ZBTB8B: variants seen among roughly 807,000 people sequenced by gnomAD.
The protein encoded by ZBTB8B is zinc finger and BTB domain-containing protein 8B.
In ZBTB8B, 17 loss-of-function variants were observed where a neutral mutation model predicts 30.3. The observed-to-expected ratio is 0.56, with a 90% CI of 0.38 to 0.84. The LOEUF (loss-of-function observed/expected upper bound fraction) is 0.84, where lower values mean the gene tolerates loss of function less well. Ranked by LOEUF, ZBTB8B falls within the 40% of genes least tolerant of loss-of-function variation. The pLI, the probability that ZBTB8B is intolerant of heterozygous loss-of-function variation, is 0.00. For missense variants in ZBTB8B, 515 were observed against 644.9 expected (o/e 0.80, Z 2.18); for synonymous variants, 248 against 255.6 (o/e 0.97, Z 0.28).
intron 3 of ZBTB8B, among the ~76,000 whole-genome samples, chr1:32,483,273 A>T (rs1435782921): frequency 6.7e-6 from 1 of 149,006 alleles, no homozygotes; most frequent in East Asian, 1.9e-4. Flanking sequence ...AAAAAAAAAA[A>T]AATTAGCCAG....
At chr1:32,473,819 C>T (rs572876558) in intron 2 of ZBTB8B, among the ~76,000 whole-genome samples, 1 of 151,662 alleles carries the variant, frequency 6.6e-6, no homozygotes, top group African/African-American at 2.4e-5. Context: ...TTGTGCCTGG[C>T]CTGTCTTGAA....
Position 32,471,065 on chromosome 1 carries a change from G to GGCGGCAGCA in ZBTB8B, c.447_455dup (p.Ala151_Ala153dup), listed in dbSNP as rs1379956550. 1 of 1,544,748 alleles carries GGCGGCAGCA rather than the reference G, an allele frequency of 6.5e-7. No homozygotes were observed. The highest frequency in any genetic ancestry group is 1.4e-5 in the African/African-American group (1 of 72,890). On this transcript the variant is annotated inframe_insertion, in exon 2 of 4. Coordinates refer to ENST00000609129, the MANE Select transcript of ZBTB8B (RefSeq NM_001145720.2). ...CGGCGGCAGCGGCGGCGGCTGCAGCGGCGGCAGCAGCGGCGGCTCATCAGG... is the reference window on the plus strand; with the variant it reads ...CGGCGGCAGCGGCGGCGGCTGCAGCGGCGGCAGCAGCGGCAGCAGCGGCGGCTCATCAGG...
rs1643565547 is a variant in ZBTB8B, at chr1:32,465,695, A to G, written c.-42+590A>G. On this transcript the variant is annotated intron_variant, in intron 1 of 3. Transcript: ENST00000609129. The surrounding 1 kb of genome is among the most constrained non-coding windows in gnomAD (Gnocchi z 4.1). The stretch of plus-strand genomic sequence containing the variant: ...AGGAGTGACTTCCCCAACCTGTCGC[A>G]TCGTGTCCTGGAGGGTTTGAGGAGG... Among the ~76,000 whole-genome samples the G allele has an allele frequency of 6.6e-6, 1 of 152,210 alleles. No individual in the cohort carries two copies. Among genetic ancestry groups the G allele is most frequent in the Non-Finnish European group, 1.5e-5 (1 of 68,038 alleles).
chr1:32,478,717 G>A (rs1643681987), intron 2 of ZBTB8B, among the ~76,000 whole-genome samples: 1 of 152,078 alleles, frequency 6.6e-6, no homozygotes, highest in African/African-American at 2.4e-5. Flanking sequence ...ACCAAAGAGA[G>A]TTTCCACCCT....
In ZBTB8B at chr1:32,483,244, C is replaced by CAAAAAAAAA. The variant is rs59559091; in HGVS notation, c.1171-1834_1171-1826dup. 6.6e-3 allele frequency among the ~76,000 whole-genome samples: 371 copies of CAAAAAAAAA among 56,322 alleles called. 31 individuals are homozygous for CAAAAAAAAA. The highest frequency in any genetic ancestry group is 0.013 in the Middle Eastern group (1 of 78). The allele number at this position is 56,322 out of a possible 152,430, so 36.9% of individuals were successfully genotyped here. On this transcript the variant is annotated intron_variant, in intron 3 of 3. Transcript: ENST00000609129. Reference sequence around the variant, plus strand: ...CGAAACCCCTTATCTACTAAAAATCCAAAAAAAAAAAAAAAAAAAAAAAAA... The same window carrying CAAAAAAAAA: ...CGAAACCCCTTATCTACTAAAAATCCAAAAAAAAAAAAAAAAAAAAAAAAAAAAAAAAAA...
At chr1:32,471,755 A>ATCATCATTACCATCATCACCAGTACCG in intron 2 of ZBTB8B, 140 bp downstream of exon 2, 1 of 952,856 alleles carries the variant, frequency 1.0e-6, no homozygotes, top group South Asian at 1.7e-5. Context: ...CACCAGTACC[A>ATCATCATTACCATCATCACCAGTACCG]TCATCATTAC....
chr1:32,472,948 C>A (rs1244409608), intron 2 of ZBTB8B, among the ~76,000 whole-genome samples: 2 of 152,218 alleles, frequency 1.3e-5, no homozygotes, highest in African/African-American at 2.4e-5. Context: ...CAGTATTTGA[C>A]ATCATGTGAG....
intron 3 of ZBTB8B, among the ~76,000 whole-genome samples, chr1:32,483,261 A>C (rs1172352156): frequency 2.7e-5 from 4 of 147,074 alleles, no homozygotes; most frequent in African/African-American, 5.0e-5. Context: ...AAAAAAAAAA[A>C]AAAAAAAAAA....
At chr1:32,477,743 A>C (rs1643674932) in intron 2 of ZBTB8B, among the ~76,000 whole-genome samples, 1 of 151,934 alleles carries the variant, frequency 6.6e-6, no homozygotes, top group African/African-American at 2.4e-5. Context: ...CTCTACAAAA[A>C]AAAAAAAAAA....
chr1:32,471,300 C>A lies in ZBTB8B; in HGVS notation c.676C>A (p.Arg226=), dbSNP rs1254527021. Residue 226 remains arginine, a synonymous_variant, in exon 2 of 4, where the codon CGG becomes AGG. Transcript: ENST00000609129. ...ADSNLSTPPK[R]IEPKVEFDAD... is the part of the protein sequence containing the mutation. ...CAGCAACCTCTCTACTCCACCCAAA[C>A]GGATAGAGCCCAAGGTGGAATTTGA... The A allele has an allele frequency of 5.2e-6, 8 of 1,551,698 alleles. No homozygotes were observed. In the Admixed American group the frequency reaches 1.2e-4, roughly 23 times the overall value.
At position 32,487,489 on chromosome 1, in the gene ZBTB8B, G is replaced by A. The variant is rs1393074347; in HGVS notation, c.*2071G>A. The A allele has an allele frequency of 2.0e-5, 3 of 152,382 alleles. No homozygotes were observed. The highest frequency in any genetic ancestry group is 1.3e-4 in the Admixed American group (2 of 15,310). 9.4% of individuals were successfully genotyped at this position (152,382 alleles called of 1,614,324 possible). A position where few individuals can be genotyped will look rare whatever the true frequency, so the allele number is the denominator to read the frequency against. Reference sequence around the variant, plus strand: ...ATACCAGCCTGTACAGCAGGACCACGTATTGGTCTGCAGTAGAATGGAAAA... The same window carrying A: ...ATACCAGCCTGTACAGCAGGACCACATATTGGTCTGCAGTAGAATGGAAAA... On this transcript the variant is annotated 3_prime_UTR_variant, in exon 4 of 4. Transcript: ENST00000609129.
At position 32,494,109 on chromosome 1, in the gene ZBTB8B, G is replaced by A. The variant is rs940559703; in HGVS notation, c.*8691G>A. On this transcript the variant is annotated 3_prime_UTR_variant, in exon 4 of 4. Coordinates refer to ENST00000609129, the MANE Select transcript of ZBTB8B (RefSeq NM_001145720.2). ...GAGGAAGGAGAATTGCTTGAGCCCA[G>A]GAGGTGGAGGTTGCAGTGAGCTGAG... The A allele has an allele frequency of 1.3e-5, 2 of 149,858 alleles. No homozygotes were observed. Among genetic ancestry groups the A allele is most frequent in the African/African-American group, 4.9e-5 (2 of 40,474 alleles). The allele number at this position is 149,858 out of a possible 1,614,324, so 9.3% of individuals were successfully genotyped here.
intron 3 of ZBTB8B, among the ~76,000 whole-genome samples, 193 bp downstream of exon 3, chr1:32,481,262 A>G (rs1643702646): frequency 6.6e-6 from 1 of 152,232 alleles, no homozygotes; most frequent in African/African-American, 2.4e-5. Flanking sequence ...TATATGTTAG[A>G]GTTAAGTTTT....
At chr1:32,470,161 C>T (rs1643604285) in intron 1 of ZBTB8B, among the ~76,000 whole-genome samples, 1 of 152,176 alleles carries the variant, frequency 6.6e-6, no homozygotes, top group African/African-American at 2.4e-5. Flanking sequence ...ATCCTAAAGA[C>T]ACTATTGCAC....
At position 32,491,956 on chromosome 1, in the gene ZBTB8B, T is replaced by G. The variant is rs1016314124; in HGVS notation, c.*6538T>G. The stretch of plus-strand genomic sequence containing the variant: ...GCAATTGCATAACAGATATTACACC[T>G]AATTCCTATAGAATATAGCCAGAGG... On this transcript the variant is annotated 3_prime_UTR_variant, in exon 4 of 4. Transcript: ENST00000609129. The G allele has an allele frequency of 6.6e-6, 1 of 152,248 alleles. No homozygotes were observed. Among genetic ancestry groups the G allele is most frequent in the African/African-American group, 2.4e-5 (1 of 41,462 alleles). 9.4% of individuals were successfully genotyped at this position (152,248 alleles called of 1,614,324 possible). A position where few individuals can be genotyped will look rare whatever the true frequency, so the allele number is the denominator to read the frequency against.
Position 32,485,268 on chromosome 1 carries a change from G to C in ZBTB8B, c.1338G>C (p.Glu446Asp). 6.4e-7 allele frequency: 1 copy of C among 1,552,112 alleles called. No homozygotes were observed. Among genetic ancestry groups the C allele is most frequent in the Non-Finnish European group, 8.7e-7 (1 of 1,147,104 alleles). Residue 446 changes from glutamate to aspartate, a missense_variant, in exon 4 of 4, where the codon GAG (glutamate) becomes GAC (aspartate). Physicochemically the swap from Glu to Asp is conservative, Grantham distance 45. This residue lies in a region of ZBTB8B where 429 missense variants were observed against 504.3 expected (regional missense o/e 0.85). Coordinates refer to ENST00000609129, the MANE Select transcript of ZBTB8B (RefSeq NM_001145720.2). ...DLMPINLSLV[E>D]ASSESQEKSD... Reference sequence around the variant, plus strand: ...TGCCCATCAACCTTAGCTTGGTGGAGGCTTCATCTGAAAGCCAAGAAAAGA... The same window carrying C: ...TGCCCATCAACCTTAGCTTGGTGGACGCTTCATCTGAAAGCCAAGAAAAGA...
Position 32,493,687 on chromosome 1 carries a change from G to T in ZBTB8B, c.*8269G>T, listed in dbSNP as rs1006794646. On this transcript the variant is annotated 3_prime_UTR_variant, in exon 4 of 4. Transcript: ENST00000609129. ...GCCACTGCACTCCAGCCTGGGCGAC[G>T]GAGTGAGACTCCATCTCAAAAAAAT... 4 of 151,198 alleles carry T rather than the reference G, an allele frequency of 2.6e-5. No homozygotes were observed. The highest frequency in any genetic ancestry group is 9.7e-5 in the African/African-American group (4 of 41,344). The allele number at this position is 151,198 out of a possible 1,614,324, so 9.4% of individuals were successfully genotyped here. A position where few individuals can be genotyped will look rare whatever the true frequency, so the allele number is the denominator to read the frequency against.
rs1467100811 is a variant in ZBTB8B, at chr1:32,479,726, T to C, written c.992-1165T>C. ...TATCCAAGGAGTATCCTGGAACCAATTCCCAGTGGGTACCAAGGGATGACT... is the reference window on the plus strand; with the variant it reads ...TATCCAAGGAGTATCCTGGAACCAACTCCCAGTGGGTACCAAGGGATGACT... On this transcript the variant is annotated intron_variant, in intron 2 of 3. Coordinates refer to ENST00000609129, the MANE Select transcript of ZBTB8B (RefSeq NM_001145720.2). Among the ~76,000 whole-genome samples the C allele has an allele frequency of 2.0e-5, 3 of 152,104 alleles. No individual in the cohort carries two copies. In the East Asian group the frequency reaches 5.8e-4, roughly 29 times the overall value.
Position 32,471,044 on chromosome 1 carries a change from G to C in ZBTB8B, c.420G>C (p.Ala140=), listed in dbSNP as rs1286817020. 3.2e-6 allele frequency: 5 copies of C among 1,550,022 alleles called. No individual in the cohort carries two copies. The highest frequency in any genetic ancestry group is 4.4e-6 in the Non-Finnish European group (5 of 1,146,324). The change falls in exon 2 of 4, where the codon GCG becomes GCC. Residue 140 remains alanine, a synonymous_variant. Transcript: ENST00000609129. ...CTGCTGTGGCTGCAGCAGTGGCGGC[G>C]GCAGCGGCGGCGGCTGCAGCGGCGG... The part of the protein sequence containing the change: ...KEAAVAAAVA[A]AAAAAAAAAA...
Sources: allele counts gnomAD v4.1 joint callset (sites outside exome capture counted in the v4.1 genomes callset), GRCh38; gene constraint gnomAD v4.1.1; regional missense constraint gnomAD v4.1.1; non-coding constraint Gnocchi (gnomAD v3.1); transcripts MANE v1.5; gene names NCBI Gene and HGNC (gene_info 2026-07-23, HGNC 2026-07-21).